Variants in EYS observed in about 807,000 individuals in gnomAD.
EYS encodes protein eyes shut homolog.
EYS carries 250 observed loss-of-function variants against 282.1 expected under a neutral mutation model. The observed-to-expected ratio is 0.89, with a 90% CI of 0.80 to 0.98. The LOEUF is 0.98. Ranked by LOEUF, EYS falls within the 50% of genes least tolerant of loss-of-function variation. The pLI is 0.00. For missense variants in EYS, 4,016 were observed against 3,709.0 expected, an observed-to-expected ratio of 1.08 and a Z score of -2.15; for synonymous variants, 1,355 against 1,282.9, an observed-to-expected ratio of 1.06 and a Z score of -1.20.
intron 22 of EYS, among the ~76,000 whole-genome samples, chr6:64,762,183 A>G (rs766854858): frequency 1.3e-5 from 2 of 152,230 alleles, no homozygotes; most frequent in Non-Finnish European, 2.9e-5. Context: ...TAAAATTAGT[A>G]GCCAATTAAA....
chr6:64,880,218 C>T (rs777337880), intron 19 of EYS, among the ~76,000 whole-genome samples: 1 of 147,524 alleles, frequency 6.8e-6, no homozygotes, highest in Non-Finnish European at 1.5e-5. Flanking sequence ...AGTCTTTGTA[C>T]ATTGTATATT....
intron 24 of EYS, among the ~76,000 whole-genome samples, chr6:64,605,836 T>C (rs1361086): frequency 0.64 from 97,038 of 151,716 alleles, 31,994 homozygotes; most frequent in African/African-American, 0.82. Flanking sequence ...CAACTGATTT[T>C]TGAGAACTGG....
At chr6:64,477,763 G>T (rs916699011) in intron 26 of EYS, among the ~76,000 whole-genome samples, 1 of 152,034 alleles carries the variant, frequency 6.6e-6, no homozygotes, top group Non-Finnish European at 1.5e-5. Context: ...CTGAGATATT[G>T]CTTCAAAAGG....
At chr6:64,020,428 A>T (rs1233127331) in intron 33 of EYS, among the ~76,000 whole-genome samples, 1 of 152,190 alleles carries the variant, frequency 6.6e-6, no homozygotes, top group Non-Finnish European at 1.5e-5. Context: ...TTGTTTACTT[A>T]ACTAAAAAAA....
intron 22 of EYS, among the ~76,000 whole-genome samples, chr6:64,741,155 G>C (rs964874752): frequency 6.6e-6 from 1 of 152,136 alleles, no homozygotes. Context: ...ATACTTGAAA[G>C]TCAAAATTAC....
chr6:64,407,264 C>G (rs1773746637), intron 28 of EYS, among the ~76,000 whole-genome samples: 1 of 145,588 alleles, frequency 6.9e-6, no homozygotes, highest in African/African-American at 2.6e-5. Context: ...CACATGGACA[C>G]AGGGAGGGGA....
intron 35 of EYS, among the ~76,000 whole-genome samples, chr6:63,906,806 T>C (rs1445148191): frequency 6.6e-6 from 1 of 152,036 alleles, no homozygotes; most frequent in Non-Finnish European, 1.5e-5. Flanking sequence ...CTTGCTTTTA[T>C]ACATATATAT....
intron 29 of EYS, among the ~76,000 whole-genome samples, chr6:64,363,332 GGACTTA>G (rs1246742212): frequency 6.6e-6 from 1 of 151,818 alleles, no homozygotes; most frequent in African/African-American, 2.4e-5. Flanking sequence ...AAAATAAAGT[GGACTTA>G]GACTTTGGCA....
At chr6:64,593,083 C>A in intron 25 of EYS, 34 bp downstream of exon 25, 2 of 1,417,874 alleles carry the variant, frequency 1.4e-6, no homozygotes, top group South Asian at 1.6e-5. Context: ...TTTTCAAACT[C>A]AAACTTCTTA....
At chr6:65,529,753 C>A (rs780969669) in intron 2 of EYS, among the ~76,000 whole-genome samples, 4 of 152,016 alleles carry the variant, frequency 2.6e-5, no homozygotes, top group African/African-American at 4.8e-5. Flanking sequence ...ATCATTACAG[C>A]CCTCATGAAT....
At chr6:65,145,830 T>C (rs1764463331) in intron 12 of EYS, among the ~76,000 whole-genome samples, 1 of 152,012 alleles carries the variant, frequency 6.6e-6, no homozygotes. Flanking sequence ...TTCAGAAGAA[T>C]ATTAGTGATT....
chr6:65,331,816 G>A (rs1321634999), intron 11 of EYS: 3 of 679,576 alleles, frequency 4.4e-6, no homozygotes, highest in Non-Finnish European at 5.4e-6. Context: ...TATTCGTATT[G>A]AAGCACATAT....
In EYS at chr6:64,502,227, T is replaced by G. The variant is rs543203828; in HGVS notation, c.5645-62875A>C. On this transcript the variant is annotated intron_variant, in intron 26 of 42. Coordinates refer to ENST00000503581, the MANE Select transcript of EYS (RefSeq NM_001142800.2). Reference sequence around the variant, plus strand: ...AGAACCAGACAGCAGGCTGGTTTTTTTTTTGTTTTGTTTTGTTTTGTTTTG... The same window carrying G: ...AGAACCAGACAGCAGGCTGGTTTTTGTTTTGTTTTGTTTTGTTTTGTTTTG... Among the ~76,000 whole-genome samples the G allele has an allele frequency of 3.0e-3, 448 of 149,326 alleles. 2 individuals carry two copies. Among genetic ancestry groups the G allele is most frequent in the African/African-American group, 9.1e-3 (370 of 40,702 alleles).
intron 22 of EYS, chr6:64,631,233 G>A (rs1434508389): frequency 1.3e-5 from 2 of 152,156 alleles, no homozygotes; most frequent in East Asian, 1.9e-4. Flanking sequence ...CCTCCATTTA[G>A]CTAATTGATA....
At chr6:65,345,704 T>G (rs552766129) in intron 9 of EYS, among the ~76,000 whole-genome samples, 1 of 151,732 alleles carries the variant, frequency 6.6e-6, no homozygotes, top group East Asian at 1.9e-4. Context: ...CATTAGGATT[T>G]AACTCTTAAC....
At chr6:65,673,991 C>G (rs1346911376) in intron 1 of EYS, among the ~76,000 whole-genome samples, 3 of 151,774 alleles carry the variant, frequency 2.0e-5, no homozygotes, top group Non-Finnish European at 2.9e-5. Flanking sequence ...AATAAACACA[C>G]AGAAATTTTG....
chr6:65,394,227 C>A (rs1002326512), intron 7 of EYS, among the ~76,000 whole-genome samples: 87 of 151,620 alleles, frequency 5.7e-4, no homozygotes, highest in African/African-American at 1.9e-3. Flanking sequence ...TGTGTATGTG[C>A]GCACGTGTGT....
At chr6:65,528,255 A>C (rs2127305146) in intron 2 of EYS, among the ~76,000 whole-genome samples, 1 of 152,326 alleles carries the variant, frequency 6.6e-6, no homozygotes, top group East Asian at 1.9e-4. Flanking sequence ...CATTTCTCCA[A>C]GGGGAACACA....
At chr6:64,033,186 C>G (rs1769943561) in intron 33 of EYS, among the ~76,000 whole-genome samples, 1 of 152,178 alleles carries the variant, frequency 6.6e-6, no homozygotes, top group Non-Finnish European at 1.5e-5. Flanking sequence ...CAAGTTTTTG[C>G]TCATTTTTCA....
Sources: allele counts gnomAD v4.1 joint callset (sites outside exome capture counted in the v4.1 genomes callset), GRCh38; gene constraint gnomAD v4.1.1; transcripts MANE v1.5; gene names NCBI Gene and HGNC (gene_info 2026-07-23, HGNC 2026-07-21).